SUMF1: variants seen among roughly 807,000 people sequenced by gnomAD.
The protein encoded by SUMF1 is sulfatase modifying factor 1.
In SUMF1, 48 loss-of-function variants were observed where a neutral mutation model predicts 47.6. That is an observed-to-expected ratio of 1.01 (90% CI 0.80 to 1.28). SUMF1 has a LOEUF of 1.28. Among genes scored for constraint, SUMF1 ranks in the 50% most tolerant of loss-of-function variants. The pLI is 0.00. For missense variants in SUMF1, 571 were observed against 485.4 expected (o/e 1.18, Z -1.66); for synonymous variants, 230 against 192.1 (o/e 1.20, Z -1.63).
At chr3:4,161,094 A>G (rs1087728) in intron 8 of SUMF1, among the ~76,000 whole-genome samples, 52,568 of 152,006 alleles carry the variant, frequency 0.35, 9,282 homozygotes, top group East Asian at 0.4. Context: ...TACCACCTTG[A>G]TGGTCTTAGG....
chr3:4,037,755 A>G (rs974646882), intron 9 of SUMF1, among the ~76,000 whole-genome samples: 2 of 152,146 alleles, frequency 1.3e-5, no homozygotes, highest in Non-Finnish European at 2.9e-5. Context: ...CAGAGTTCTT[A>G]TGTTGATTCT....
At chr3:4,337,719 C>G (rs1699184225) in intron 8 of SUMF1, among the ~76,000 whole-genome samples, 2 of 152,226 alleles carry the variant, frequency 1.3e-5, no homozygotes, top group South Asian at 4.1e-4. Flanking sequence ...ACCCATTTCT[C>G]CTATCCTGCA....
chr3:4,435,846 G>T (rs1055222561), intron 3 of SUMF1, among the ~76,000 whole-genome samples: 2 of 152,120 alleles, frequency 1.3e-5, no homozygotes, highest in African/African-American at 4.8e-5. Flanking sequence ...TTACCATAAG[G>T]CTTACTCTAA....
intron 7 of SUMF1, among the ~76,000 whole-genome samples, chr3:4,396,715 T>G (rs1479529782): frequency 2.0e-5 from 3 of 152,122 alleles, no homozygotes; most frequent in Non-Finnish European, 1.5e-5. Context: ...GCAACTACAA[T>G]CTTCTTTGAG....
Position 4,340,381 on chromosome 3 carries a change from G to T in SUMF1, c.1014+35949C>A, listed in dbSNP as rs17040396. Among the ~76,000 whole-genome samples, 702 of 152,196 alleles carry T rather than the reference G, an allele frequency of 4.6e-3. 7 individuals carry two copies. The highest frequency in any genetic ancestry group is 0.016 in the African/African-American group (676 of 41,516). On this transcript the variant is annotated intron_variant and NMD_transcript_variant, in intron 8 of 12. Coordinates refer to the SUMF1 transcript ENST00000448413. ...TATTTGTGTCGTCTTTTCCTGAGCT[G>T]CATCCTTTTGTGAATGCAGAGCTCT...
intron 8 of SUMF1, among the ~76,000 whole-genome samples, chr3:4,183,994 G>A (rs1427560518): frequency 1.3e-5 from 2 of 151,910 alleles, no homozygotes; most frequent in African/African-American, 2.4e-5. Context: ...AATTAGTCGG[G>A]CATTGTGGCA....
intron 7 of SUMF1, among the ~76,000 whole-genome samples, chr3:4,392,051 C>G (rs951269146): frequency 3.3e-5 from 5 of 152,074 alleles, no homozygotes; most frequent in African/African-American, 1.2e-4. Context: ...TGGTCTCAAA[C>G]TCCCAGGCTC....
chr3:4,037,968 G>C (rs1227746534), intron 9 of SUMF1, among the ~76,000 whole-genome samples: 1 of 152,092 alleles, frequency 6.6e-6, no homozygotes, highest in East Asian at 1.9e-4. Context: ...TGATCCAATA[G>C]GTGGCACTTA....
chr3:4,078,312 C>T (rs1692484585), intron 8 of SUMF1, among the ~76,000 whole-genome samples: 1 of 19,488 alleles, frequency 5.1e-5, no homozygotes, highest in Non-Finnish European at 9.4e-5. Context: ...ATGAGTAGGC[C>T]AAGCTTGCTA....
chr3:4,389,824 T>A (rs1467422581), intron 7 of SUMF1, among the ~76,000 whole-genome samples: 2 of 152,186 alleles, frequency 1.3e-5, no homozygotes, highest in African/African-American at 4.8e-5. Flanking sequence ...TCTTCTTATA[T>A]TTTCTATTTC....
chr3:4,289,855 A>G (rs1697706349), intron 8 of SUMF1, among the ~76,000 whole-genome samples: 1 of 152,228 alleles, frequency 6.6e-6, no homozygotes, highest in South Asian at 2.1e-4. Context: ...AACAAATGCT[A>G]AAAATAAACC....
chr3:4,052,600 A>C (rs1299319705), intron 9 of SUMF1, among the ~76,000 whole-genome samples: 1 of 152,186 alleles, frequency 6.6e-6, no homozygotes, highest in Non-Finnish European at 1.5e-5. Context: ...CTATGTGCTA[A>C]TAAGTTACGT....
chr3:4,185,602 G>C (rs1695185503), intron 8 of SUMF1, among the ~76,000 whole-genome samples: 1 of 152,112 alleles, frequency 6.6e-6, no homozygotes, highest in African/African-American at 2.4e-5. Context: ...GCGAACTGTA[G>C]CAGTTGAAAG....
intron 9 of SUMF1, among the ~76,000 whole-genome samples, chr3:4,039,120 T>A (rs1273493449): frequency 3.5e-5 from 5 of 144,926 alleles, no homozygotes; most frequent in East Asian, 2.2e-4. Context: ...AGAATTGAAA[T>A]ACAGAAAATA....
At chr3:4,311,404 C>T (rs1698399366) in intron 8 of SUMF1, among the ~76,000 whole-genome samples, 1 of 152,212 alleles carries the variant, frequency 6.6e-6, no homozygotes, top group Non-Finnish European at 1.5e-5. Context: ...GGCCGTGCAA[C>T]TGGTTCCTTG....
chr3:4,458,547 T>C (rs1185250441), intron 1 of SUMF1, among the ~76,000 whole-genome samples: 1 of 152,060 alleles, frequency 6.6e-6, no homozygotes, highest in African/African-American at 2.4e-5. Context: ...AATGTCAGAA[T>C]ACTTTTTAGC....
chr3:4,076,863 G>T (rs1038592868), intron 8 of SUMF1, among the ~76,000 whole-genome samples: 3 of 152,008 alleles, frequency 2.0e-5, no homozygotes, highest in African/African-American at 2.4e-5. Context: ...AATTAGACAG[G>T]TGTGGTGGCG....
At chr3:4,104,437 A>T (rs1239793045) in intron 8 of SUMF1, among the ~76,000 whole-genome samples, 5 of 151,262 alleles carry the variant, frequency 3.3e-5, no homozygotes. Flanking sequence ...TCCACTCCCC[A>T]CTCTTCATCC....
intron 8 of SUMF1, among the ~76,000 whole-genome samples, chr3:4,294,379 A>T (rs77894795): frequency 0.068 from 10,308 of 152,166 alleles, 1,181 homozygotes; most frequent in African/African-American, 0.24. Context: ...CCCAGGCAAC[A>T]CTGCAAGACC....
Sources: gnomAD v4.1 joint callset for allele counts (sites outside exome capture counted in the v4.1 genomes callset) on GRCh38, gnomAD v4.1.1 for gene constraint, MANE v1.5 for transcripts, NCBI Gene and HGNC (gene_info 2026-07-23, HGNC 2026-07-21) for gene names.